ME3: variants seen among roughly 807,000 people sequenced by gnomAD.
ME3 encodes the protein NADP-dependent malic enzyme, mitochondrial.
ME3 carries 48 observed loss-of-function variants against 68.9 expected under a neutral mutation model. The observed-to-expected ratio is 0.70, with a 90% CI of 0.55 to 0.89. The LOEUF (loss-of-function observed/expected upper bound fraction) is 0.89. Ranked by LOEUF, ME3 falls within the 40% of genes least tolerant of loss-of-function variation. The pLI is 0.00. For missense variants in ME3, 675 were observed against 797.4 expected (o/e 0.85, Z 1.85); for synonymous variants, 320 against 318.8 (o/e 1.00, Z -0.04).
chr11:86,635,525 G>C (rs926855281), intron 2 of ME3, among the ~76,000 whole-genome samples: 1 of 152,276 alleles, frequency 6.6e-6, no homozygotes, highest in South Asian at 2.1e-4. Context: ...CATTGTAATG[G>C]TATTAAGAGG....
intron 4 of ME3, among the ~76,000 whole-genome samples, chr11:86,547,751 C>T (rs1021243378): frequency 1.3e-5 from 2 of 152,186 alleles, no homozygotes. Flanking sequence ...AATGGGAGAT[C>T]AAGGTTATCT....
At chr11:86,558,490 C>T (rs1957041372) in intron 3 of ME3, among the ~76,000 whole-genome samples, 1 of 152,112 alleles carries the variant, frequency 6.6e-6, no homozygotes, top group Non-Finnish European at 1.5e-5. Flanking sequence ...GGCTTCTGTG[C>T]TCATCACCAC....
intron 5 of ME3, among the ~76,000 whole-genome samples, chr11:86,501,143 C>T (rs1232240419): frequency 6.8e-6 from 1 of 147,458 alleles, no homozygotes; most frequent in East Asian, 2.0e-4. Context: ...AAATAGATAA[C>T]TATTCTGAGC....
chr11:86,669,483 C>T (rs1337292984), intron 2 of ME3, among the ~76,000 whole-genome samples: 4 of 152,044 alleles, frequency 2.6e-5, no homozygotes, highest in East Asian at 1.9e-4. Flanking sequence ...ACAATCATGG[C>T]GAAGGCACCT....
In ME3 at chr11:86,449,868, AGG is replaced by A. The variant is rs1289918347; in HGVS notation, c.1131+19_1131+20del. The stretch of plus-strand genomic sequence containing the variant: ...AGCTATAAGGTGTCAGGAAACCTCC[AGG>A]TCTCCAGACTGACAGTACCTTGACA... On this transcript the variant is annotated intron_variant, in intron 10 of 14. Coordinates refer to ENST00000543262, the Ensembl canonical transcript of ME3. The A allele has an allele frequency of 1.9e-6, 3 of 1,582,908 alleles. No homozygotes were observed. Among genetic ancestry groups the A allele is most frequent in the East Asian group, 4.5e-5 (2 of 44,706 alleles).
At chr11:86,532,751 A>C (rs1169762675) in intron 4 of ME3, among the ~76,000 whole-genome samples, 1 of 152,334 alleles carries the variant, frequency 6.6e-6, no homozygotes, top group South Asian at 2.1e-4. Context: ...TATAGCAATA[A>C]ACTCCTACAT....
intron 2 of ME3, among the ~76,000 whole-genome samples, chr11:86,647,354 G>A (rs931581300): frequency 1.6e-4 from 25 of 151,952 alleles, no homozygotes; most frequent in African/African-American, 3.6e-4. Context: ...GTGTGGTGGC[G>A]GGCACCTGTT....
At chr11:86,489,547 C>T (rs1951874845) in intron 6 of ME3, among the ~76,000 whole-genome samples, 1 of 152,128 alleles carries the variant, frequency 6.6e-6, no homozygotes, top group South Asian at 2.1e-4. Flanking sequence ...AGGGAACCTG[C>T]TGAGGGAGGG....
chr11:86,645,170 T>A (rs1325126884), intron 2 of ME3, among the ~76,000 whole-genome samples: 1 of 152,088 alleles, frequency 6.6e-6, no homozygotes, highest in Non-Finnish European at 1.5e-5. Context: ...GCAGGAGTAT[T>A]TTTTTTGTAA....
chr11:86,504,792 G>C (rs1012851641), intron 5 of ME3, among the ~76,000 whole-genome samples: 2 of 152,098 alleles, frequency 1.3e-5, no homozygotes, highest in African/African-American at 4.8e-5. Context: ...CCGGGTTCAA[G>C]CTATTCTCCT....
chr11:86,569,510 C>T (rs1367055015), intron 2 of ME3, among the ~76,000 whole-genome samples: 5 of 152,062 alleles, frequency 3.3e-5, no homozygotes, highest in Admixed American at 1.3e-4. Flanking sequence ...TTAGCACATG[C>T]GATGTGTCTC....
chr11:86,503,126 T>G (rs949829908), intron 5 of ME3, among the ~76,000 whole-genome samples: 7 of 152,208 alleles, frequency 4.6e-5, no homozygotes, highest in African/African-American at 1.7e-4. Flanking sequence ...TTGGTTCCAC[T>G]TCTCCCTTGC....
intron 4 of ME3, among the ~76,000 whole-genome samples, chr11:86,536,230 G>T (rs532123050): frequency 6.6e-6 from 1 of 151,870 alleles, no homozygotes; most frequent in African/African-American, 2.4e-5. Context: ...CATGAGCAAG[G>T]ACTTCATGTC....
chr11:86,442,567 A>G (rs12285249), intron 14 of ME3, among the ~76,000 whole-genome samples: 16,251 of 152,032 alleles, frequency 0.11, 1,408 homozygotes, highest in African/African-American at 0.24. Flanking sequence ...TCTGGTCCAC[A>G]GACATTGATG....
rs1008341596 is a variant in ME3 at position 86,615,011 on chromosome 11, C to T, written c.184-55188G>A. On this transcript the variant is annotated intron_variant, in intron 2 of 14. Transcript: ENST00000543262. ...GGCCATAAGAATACACACATTCTGG[C>T]GGAACCAAATCGTTTTTTTAAAAAA... Among the ~76,000 whole-genome samples, 16 of 149,466 alleles carry T rather than the reference C, an allele frequency of 1.1e-4. No individual in the cohort carries two copies. In the South Asian group the frequency reaches 1.7e-3, roughly 16 times the overall value.
intron 2 of ME3, among the ~76,000 whole-genome samples, chr11:86,664,160 C>T (rs937545347): frequency 1.3e-5 from 2 of 152,090 alleles, no homozygotes; most frequent in East Asian, 1.9e-4. Flanking sequence ...AAACAATTCC[C>T]AACAGAAACT....
At chr11:86,498,950 C>G (rs1952542877) in intron 5 of ME3, among the ~76,000 whole-genome samples, 1 of 152,050 alleles carries the variant, frequency 6.6e-6, no homozygotes, top group African/African-American at 2.4e-5. Flanking sequence ...GGACACAGCC[C>G]TTAAAGGATT....
At chr11:86,466,922 C>T (rs1950510716) in intron 7 of ME3, among the ~76,000 whole-genome samples, 1 of 152,228 alleles carries the variant, frequency 6.6e-6, no homozygotes, top group South Asian at 2.1e-4. Context: ...TCTATTCTAC[C>T]TCAGTTTCCC....
chr11:86,462,981 A>G (rs1241637172), intron 8 of ME3, among the ~76,000 whole-genome samples: 2 of 152,186 alleles, frequency 1.3e-5, no homozygotes. Flanking sequence ...TCAGAGGAGT[A>G]AAATAAAGGG....
Sources: gnomAD v4.1 joint callset for allele counts (sites outside exome capture counted in the v4.1 genomes callset) on GRCh38, gnomAD v4.1.1 for gene constraint, MANE v1.5 for transcripts, NCBI Gene and HGNC (gene_info 2026-07-23, HGNC 2026-07-21) for gene names.